FOXP1: variants seen among roughly 807,000 people sequenced by gnomAD.
FOXP1 encodes the protein forkhead box protein P1.
Under a neutral mutation model 98.2 loss-of-function variants are expected in FOXP1, and 15 were observed. The observed-to-expected ratio is 0.15, with a 90% CI of 0.10 to 0.24. FOXP1 has a LOEUF of 0.24. Ranked by LOEUF, FOXP1 falls within the 10% of genes least tolerant of loss-of-function variation. The pLI, the probability that FOXP1 is intolerant of heterozygous loss-of-function variation, is 1.00. For missense variants in FOXP1, 633 were observed against 848.5 expected, an observed-to-expected ratio of 0.75 and a Z score of 3.15; for synonymous variants, 371 against 314.5, an observed-to-expected ratio of 1.18 and a Z score of -1.90.
Position 71,476,657 on chromosome 3 carries a change from A to AT in FOXP1, c.-168+16768dup, listed in dbSNP as rs55733297. Among the ~76,000 whole-genome samples the AT allele has an allele frequency of 2.3e-3, 309 of 134,458 alleles. 4 individuals carry two copies. Among genetic ancestry groups the AT allele is most frequent in the Admixed American group, 7.1e-3 (96 of 13,524 alleles). The allele number at this position is 134,458 out of a possible 152,430, so 88.2% of individuals were successfully genotyped here. On this transcript the variant is annotated intron_variant, in intron 3 of 20. Transcript: ENST00000649528. ...AGGCACCCGCCATCATGCCCAGCTA[A>AT]TTTTTTTTTTTTTTTTTTTGTATTT...
At chr3:71,141,135 G>A (rs1017703805) in intron 6 of FOXP1, among the ~76,000 whole-genome samples, 5 of 151,844 alleles carry the variant, frequency 3.3e-5, no homozygotes, top group Admixed American at 2.0e-4. Flanking sequence ...AGGCGTGGTG[G>A]CAGGCGCCTG....
At chr3:71,320,305 G>C (rs2075314818) in intron 4 of FOXP1, among the ~76,000 whole-genome samples, 1 of 151,916 alleles carries the variant, frequency 6.6e-6, no homozygotes, top group South Asian at 2.1e-4. Flanking sequence ...TATTCAAAAG[G>C]CTGTGCTGGA....
intron 11 of FOXP1, among the ~76,000 whole-genome samples, chr3:71,022,733 A>G (rs1252116394): frequency 1.3e-5 from 2 of 151,934 alleles, no homozygotes; most frequent in African/African-American, 2.4e-5. Context: ...CTGCCCTCCA[A>G]TTCCCTCATT....
At chr3:71,173,149 C>T (rs1036880058) in intron 6 of FOXP1, among the ~76,000 whole-genome samples, 1 of 151,918 alleles carries the variant, frequency 6.6e-6, no homozygotes, top group African/African-American at 2.4e-5. Context: ...CCTTTTTTCC[C>T]CCTCTACTGA....
chr3:70,993,129 G>A (rs1345380631), intron 13 of FOXP1, among the ~76,000 whole-genome samples: 2 of 152,176 alleles, frequency 1.3e-5, no homozygotes, highest in South Asian at 2.1e-4. Flanking sequence ...AAGTTCGTAC[G>A]GTAATTGATT....
chr3:70,971,513 C>CCAGTAGGCAATTACCTACATTTAT (rs2036236977), intron 18 of FOXP1: 1 of 153,320 alleles, frequency 6.5e-6, no homozygotes, highest in Non-Finnish European at 1.4e-5. Flanking sequence ...AGGGTGCCTC[C>CCAGTAGGCAATTACCTACATTTAT]CAGTAGGCAA....
intron 3 of FOXP1, among the ~76,000 whole-genome samples, chr3:71,463,350 GTC>G (rs1446147519): frequency 2.5e-5 from 2 of 79,464 alleles, no homozygotes; most frequent in Non-Finnish European, 4.7e-5. Flanking sequence ...GTAAGACACT[GTC>G]TCAAAAAAAA....
intron 6 of FOXP1, among the ~76,000 whole-genome samples, chr3:71,179,517 T>C (rs1012329320): frequency 6.6e-6 from 1 of 152,154 alleles, no homozygotes; most frequent in African/African-American, 2.4e-5. Context: ...ATGATGCCAC[T>C]TGAAACCAAG....
intron 6 of FOXP1, among the ~76,000 whole-genome samples, chr3:71,192,419 T>G (rs1037609129): frequency 6.6e-6 from 1 of 152,156 alleles, no homozygotes; most frequent in Admixed American, 6.6e-5. Context: ...ATCCAAAGAA[T>G]GAGATGCAAT....
chr3:71,033,602 C>CAAAAAAAAAAAAGA (rs2047167960), intron 11 of FOXP1, among the ~76,000 whole-genome samples: 1 of 70,640 alleles, frequency 1.4e-5, no homozygotes, highest in African/African-American at 3.5e-5. Flanking sequence ...AGTGAACAGT[C>CAAAAAAAAAAAAGA]AAAAAAAAAA....
chr3:71,002,996 G>A (rs897086880), intron 12 of FOXP1, among the ~76,000 whole-genome samples: 1 of 152,176 alleles, frequency 6.6e-6, no homozygotes, highest in African/African-American at 2.4e-5. Flanking sequence ...CTTTGGTAAG[G>A]AAATAGTACT....
intron 3 of FOXP1, among the ~76,000 whole-genome samples, chr3:71,399,206 A>G (rs1034309037): frequency 1.3e-5 from 2 of 151,740 alleles, no homozygotes; most frequent in Non-Finnish European, 2.9e-5. Flanking sequence ...ATGTGTAGAT[A>G]TACAGGTATG....
At chr3:71,098,092 T>C (rs979041133) in intron 7 of FOXP1, among the ~76,000 whole-genome samples, 1 of 152,176 alleles carries the variant, frequency 6.6e-6, no homozygotes, top group African/African-American at 2.4e-5. Context: ...GTCTGCAAAA[T>C]AATAGCTCAA....
intron 3 of FOXP1, among the ~76,000 whole-genome samples, chr3:71,404,503 G>C (rs555193797): frequency 1.3e-5 from 2 of 151,690 alleles, no homozygotes; most frequent in African/African-American, 4.8e-5. Flanking sequence ...AAAAATCCCA[G>C]AGCCAAAGCA....
intron 3 of FOXP1, among the ~76,000 whole-genome samples, chr3:71,381,932 T>C (rs2080208719): frequency 6.6e-6 from 1 of 152,174 alleles, no homozygotes; most frequent in Non-Finnish European, 1.5e-5. Flanking sequence ...GAAATTGACA[T>C]TTGATTAACG....
chr3:71,160,332 G>A (rs1304975134), intron 6 of FOXP1, among the ~76,000 whole-genome samples: 1 of 152,226 alleles, frequency 6.6e-6, no homozygotes, highest in East Asian at 1.9e-4. Flanking sequence ...ATTGGCTCTA[G>A]GTGGAGGTGA....
intron 10 of FOXP1, among the ~76,000 whole-genome samples, chr3:71,045,463 CAT>C (rs1342784191): frequency 3.3e-5 from 5 of 152,272 alleles, no homozygotes; most frequent in African/African-American, 9.6e-5. Context: ...AACAGCCTGC[CAT>C]ATTTCCAACA....
intron 16 of FOXP1, 85 bp from the exon 17 acceptor site, chr3:70,977,127 CTG>C: frequency 1.1e-6 from 1 of 931,352 alleles, no homozygotes. Flanking sequence ...TATAAAATCA[CTG>C]TGATTCAGAG....
At chr3:71,467,028 A>C (rs1347978907) in intron 3 of FOXP1, among the ~76,000 whole-genome samples, 1 of 152,220 alleles carries the variant, frequency 6.6e-6, no homozygotes, top group Non-Finnish European at 1.5e-5. Flanking sequence ...CAAAAAGAAA[A>C]AAATGCTGAA....
Sources: gnomAD v4.1 joint callset for allele counts (sites outside exome capture counted in the v4.1 genomes callset) on GRCh38, gnomAD v4.1.1 for gene constraint, MANE v1.5 for transcripts, NCBI Gene and HGNC (gene_info 2026-07-23, HGNC 2026-07-21) for gene names.